The following RAP1GDS1 variants were observed in gnomAD, a reference collection of about 807,000 sequenced individuals.
The protein encoded by RAP1GDS1 is RAP1, GTP-GDP dissociation stimulator 1.
In RAP1GDS1, 35 loss-of-function variants were observed where a neutral mutation model predicts 71.1. The observed-to-expected ratio is 0.49, with a 90% confidence interval of 0.38 to 0.65. The LOEUF is 0.65. RAP1GDS1 is among the 30% of genes least tolerant of loss of function. The pLI is 0.00. For missense variants in RAP1GDS1, 663 were observed against 706.1 expected (o/e 0.94, Z 0.69); for synonymous variants, 229 against 243.1 (o/e 0.94, Z 0.54).
chr4:98,361,208 C>T (rs1182236429), intron 4 of RAP1GDS1, among the ~76,000 whole-genome samples: 2 of 151,716 alleles, frequency 1.3e-5, no homozygotes, highest in African/African-American at 4.8e-5. Context: ...TGCTCTCACA[C>T]ACACACATAT....
intron 1 of RAP1GDS1, among the ~76,000 whole-genome samples, chr4:98,288,901 G>T (rs1726472690): frequency 6.6e-6 from 1 of 152,138 alleles, no homozygotes; most frequent in Non-Finnish European, 1.5e-5. Context: ...AGAGAAGCAT[G>T]ATTTTTTTTC....
chr4:98,314,591 C>G (rs1325671520), intron 2 of RAP1GDS1, among the ~76,000 whole-genome samples: 1 of 152,006 alleles, frequency 6.6e-6, no homozygotes, highest in Admixed American at 6.6e-5. Flanking sequence ...TTCATTTATT[C>G]TGTTATAACT....
chr4:98,428,781 G>A (rs1749982187), intron 12 of RAP1GDS1, among the ~76,000 whole-genome samples: 1 of 152,176 alleles, frequency 6.6e-6, no homozygotes, highest in Non-Finnish European at 1.5e-5. Context: ...AAACAGTGTG[G>A]AGATTCCTTG....
intron 3 of RAP1GDS1, among the ~76,000 whole-genome samples, chr4:98,346,583 C>A (rs1394964732): frequency 1.3e-5 from 2 of 150,588 alleles, no homozygotes. Context: ...GAGAGGGAGT[C>A]GCCCAGGCTG....
In RAP1GDS1 at chr4:98,420,024, A is replaced by G; in HGVS notation, c.1180A>G (p.Asn394Asp). The G allele has an allele frequency of 1.3e-6, 2 of 1,596,222 alleles. No individual in the cohort carries two copies. Among genetic ancestry groups the G allele is most frequent in the Non-Finnish European group, 1.7e-6 (2 of 1,171,278 alleles). ...ALRNLAIPVI[N>D]KAKMLSAGVT... Reference sequence around the variant, plus strand: ...TAGTCTCTCTTTTTCTCCAGTTATAAATAAAGCAAAGATGTTATCAGCTGG... The same window carrying G: ...TAGTCTCTCTTTTTCTCCAGTTATAGATAAAGCAAAGATGTTATCAGCTGG... The change falls in exon 11 of 15, where the codon AAT becomes GAT. Residue 394 changes from asparagine (N) to aspartate (D), a missense_variant. Asn to Asp is a conservative substitution (Grantham distance 23). Coordinates refer to ENST00000408927, the MANE Select transcript of RAP1GDS1 (RefSeq NM_001100427.2).
At chr4:98,356,192 G>C (rs1367389595) in intron 4 of RAP1GDS1, among the ~76,000 whole-genome samples, 2 of 152,050 alleles carry the variant, frequency 1.3e-5, no homozygotes, top group Non-Finnish European at 2.9e-5. Flanking sequence ...GATACACCAG[G>C]GAATGTGGTT....
In RAP1GDS1 at chr4:98,423,607, C is replaced by T. The variant is rs192225791; in HGVS notation, c.1440+2213C>T. On this transcript the variant is annotated intron_variant, in intron 12 of 14. Coordinates refer to ENST00000408927, the MANE Select transcript of RAP1GDS1 (RefSeq NM_001100427.2). ...TTGCCCGGGCTGGAATGCAATGGTG[C>T]GATCTCCACTCACTGTAACCTCCGC... is the stretch of plus-strand genomic sequence containing the variant. Among the ~76,000 whole-genome samples the T allele has an allele frequency of 1.1e-4, 16 of 151,904 alleles. No individual in the cohort carries two copies. In the East Asian group the frequency reaches 1.7e-3, roughly 17 times the overall value.
intron 1 of RAP1GDS1, among the ~76,000 whole-genome samples, chr4:98,272,481 G>A (rs1030854103): frequency 3.9e-5 from 6 of 152,096 alleles, no homozygotes; most frequent in Admixed American, 6.6e-5. Context: ...TTCATAGCTC[G>A]GTTCGTTCAA....
intron 6 of RAP1GDS1, among the ~76,000 whole-genome samples, chr4:98,393,681 C>G (rs1744075910): frequency 1.3e-5 from 2 of 152,246 alleles, no homozygotes; most frequent in South Asian, 4.2e-4. Flanking sequence ...CTGTCCAATA[C>G]AGTAGCTACC....
chr4:98,324,565 A>G (rs1212876456), intron 2 of RAP1GDS1, among the ~76,000 whole-genome samples: 228 of 146,464 alleles, frequency 1.6e-3, no homozygotes, highest in African/African-American at 5.9e-3. Context: ...ACTGGTACCA[A>G]AACAGAGATA....
intron 12 of RAP1GDS1, among the ~76,000 whole-genome samples, chr4:98,433,299 CTTT>C (rs554332407): frequency 6.8e-6 from 1 of 146,940 alleles, no homozygotes; most frequent in South Asian, 2.2e-4. Context: ...TTAAAAGCAA[CTTT>C]TTTTTTTTTA....
chr4:98,424,770 C>CAAA (rs1157760868), intron 12 of RAP1GDS1, among the ~76,000 whole-genome samples: 13 of 83,654 alleles, frequency 1.6e-4, no homozygotes, highest in East Asian at 1.1e-3. Flanking sequence ...ACTCTGTCTC[C>CAAA]AAAAAAAAAA....
chr4:98,312,040 A>G (rs1730306139), intron 2 of RAP1GDS1, among the ~76,000 whole-genome samples: 1 of 152,240 alleles, frequency 6.6e-6, no homozygotes, highest in Admixed American at 6.5e-5. Flanking sequence ...GGAAGAAGAT[A>G]GAGGATGGTA....
At chr4:98,261,596 C>G (rs1265105038) in intron 1 of RAP1GDS1, 27 bp downstream of exon 1, 5 of 1,596,450 alleles carry the variant, frequency 3.1e-6, no homozygotes, top group Non-Finnish European at 4.3e-6. Context: ...CCGCCGTCAT[C>G]GCCTGACATT....
Position 98,417,458 on chromosome 4 carries a change from G to C in RAP1GDS1, c.999G>C (p.Gln333His). The C allele has an allele frequency of 6.2e-7, 1 of 1,613,890 alleles. No individual in the cohort carries two copies. Among genetic ancestry groups the C allele is most frequent in the South Asian group, 1.1e-5 (1 of 91,066 alleles). Residue 333 changes from glutamine to histidine, a missense_variant, in exon 9 of 15, where the codon CAG becomes CAC. Gln to His is a conservative substitution (Grantham distance 24). Transcript: ENST00000408927. ...TCCCATCAAATAACCACCAGCTACA[G>C]CTTGCTGGAGCATTGGCAATTGCAA... ...SWIPSNNHQL[Q>H]LAGALAIANF...
At chr4:98,425,559 A>G (rs529472744) in intron 12 of RAP1GDS1, among the ~76,000 whole-genome samples, 3 of 152,352 alleles carry the variant, frequency 2.0e-5, no homozygotes, top group Admixed American at 6.5e-5. Flanking sequence ...ATGGATACCA[A>G]AAGTCAGCAG....
intron 2 of RAP1GDS1, among the ~76,000 whole-genome samples, chr4:98,342,500 T>C (rs1228390112): frequency 1.8e-5 from 2 of 112,620 alleles, no homozygotes; most frequent in African/African-American, 6.6e-5. Flanking sequence ...ATTTGTATTT[T>C]AACAAGGAAA....
chr4:98,396,895 G>C (rs2110138010), intron 6 of RAP1GDS1: 1 of 152,202 alleles, frequency 6.6e-6, no homozygotes, highest in East Asian at 1.9e-4. Flanking sequence ...TTTAATAAAA[G>C]TGTTAAATAA....
At chr4:98,427,852 A>G (rs1297974752) in intron 12 of RAP1GDS1, among the ~76,000 whole-genome samples, 2 of 152,158 alleles carry the variant, frequency 1.3e-5, no homozygotes, top group Non-Finnish European at 2.9e-5. Context: ...ACAGAACTAG[A>G]AAAAACAATT....
Sources: gnomAD v4.1 joint callset for allele counts (sites outside exome capture counted in the v4.1 genomes callset) on GRCh38, gnomAD v4.1.1 for gene constraint, MANE v1.5 for transcripts, NCBI Gene and HGNC (gene_info 2026-07-23, HGNC 2026-07-21) for gene names.